The following RAB3C variants were observed in gnomAD, a reference collection of about 807,000 sequenced individuals.
RAB3C encodes ras-related protein Rab-3C.
A neutral mutation model predicts 26.4 loss-of-function variants in RAB3C; 17 were observed. The observed-to-expected ratio is 0.64, with a 90% CI of 0.44 to 0.97. RAB3C has a LOEUF of 0.97. RAB3C is among the 50% of genes least tolerant of loss of function. RAB3C has a pLI of 0.00. For missense variants in RAB3C, 242 were observed against 281.9 expected, an observed-to-expected ratio of 0.86 and a Z score of 1.01; for synonymous variants, 91 against 95.9, an observed-to-expected ratio of 0.95 and a Z score of 0.30.
chr5:58,707,527 T>C (rs1748968060), intron 2 of RAB3C, among the ~76,000 whole-genome samples: 2 of 152,088 alleles, frequency 1.3e-5, no homozygotes, highest in Non-Finnish European at 2.9e-5. Context: ...AAAACTGGGG[T>C]ACAGAAAGGT....
Position 58,857,880 on chromosome 5 carries a change from C to G in RAB3C, c.*6529C>G, listed in dbSNP as rs891884446. On this transcript the variant is annotated 3_prime_UTR_variant, in exon 5 of 5. Coordinates refer to ENST00000282878, the MANE Select transcript of RAB3C (RefSeq NM_138453.4). ...GAACTGAAGCCTAGTTGCTAGATAA[C>G]GAAAAGCTATAAATGTTTATGTATG... 1.3e-5 allele frequency: 2 copies of G among 152,116 alleles called. No homozygotes were observed. The highest frequency in any genetic ancestry group is 2.9e-5 in the Non-Finnish European group (2 of 68,014). 9.4% of individuals were successfully genotyped at this position (152,116 alleles called of 1,614,324 possible).
chr5:58,582,666 A>AG (rs1745923412), upstream of RAB3C, among the ~76,000 whole-genome samples: 1 of 152,178 alleles, frequency 6.6e-6, no homozygotes, highest in Admixed American at 6.5e-5. Context: ...GGGGAGGGGT[A>AG]GGGCGGAGAG....
At chr5:58,707,960 AC>A (rs1210146498) in intron 2 of RAB3C, among the ~76,000 whole-genome samples, 2 of 150,542 alleles carry the variant, frequency 1.3e-5, no homozygotes, top group African/African-American at 2.4e-5. Flanking sequence ...ATCTTTGGGT[AC>A]TAAGAATCAT....
At chr5:58,678,671 C>G (rs1310393262) in intron 2 of RAB3C, among the ~76,000 whole-genome samples, 1 of 152,186 alleles carries the variant, frequency 6.6e-6, no homozygotes, top group Admixed American at 6.5e-5. Flanking sequence ...CTGCCTAAGA[C>G]ATTTATTTTA....
intron 3 of RAB3C, among the ~76,000 whole-genome samples, chr5:58,800,058 G>A (rs1044487781): frequency 3.3e-5 from 5 of 152,266 alleles, no homozygotes; most frequent in Admixed American, 6.5e-5. Flanking sequence ...TAGGTAATAC[G>A]TGCTCCACGT....
intron 3 of RAB3C, among the ~76,000 whole-genome samples, chr5:58,743,859 C>G (rs6895906): frequency 6.6e-6 from 1 of 151,992 alleles, no homozygotes; most frequent in Non-Finnish European, 1.5e-5. Context: ...ACTTTCATGT[C>G]GAGTGTTAAT....
intron 1 of RAB3C, among the ~76,000 whole-genome samples, chr5:58,593,180 C>T (rs1380962025): frequency 6.6e-6 from 1 of 152,040 alleles, no homozygotes; most frequent in African/African-American, 2.4e-5. Context: ...GTGTCATCTT[C>T]AGTCTTTTGT....
At chr5:58,757,916 GT>G (rs200820052) in intron 3 of RAB3C, among the ~76,000 whole-genome samples, 25 of 130,558 alleles carry the variant, frequency 1.9e-4, no homozygotes, top group African/African-American at 6.3e-4. Flanking sequence ...CTACTTATTT[GT>G]TTTTGTTGTT....
At chr5:58,786,872 C>T (rs1193412142) in intron 3 of RAB3C, among the ~76,000 whole-genome samples, 1 of 152,058 alleles carries the variant, frequency 6.6e-6, no homozygotes, top group Non-Finnish European at 1.5e-5. Context: ...AAAGTTCCTA[C>T]TGCGGTACAT....
intron 3 of RAB3C, among the ~76,000 whole-genome samples, chr5:58,751,458 G>T (rs900849900): frequency 6.6e-6 from 1 of 152,132 alleles, no homozygotes; most frequent in African/African-American, 2.4e-5. Context: ...GAGGCTGAGA[G>T]GAAGTCAGAA....
chr5:58,656,224 A>G (rs1561280333), intron 2 of RAB3C, among the ~76,000 whole-genome samples: 1 of 152,240 alleles, frequency 6.6e-6, no homozygotes, highest in Non-Finnish European at 1.5e-5. Flanking sequence ...GTTTACACAC[A>G]AAGTAGACTT....
At chr5:58,769,552 T>C (rs1269543777) in intron 3 of RAB3C, among the ~76,000 whole-genome samples, 2 of 152,140 alleles carry the variant, frequency 1.3e-5, no homozygotes, top group Non-Finnish European at 2.9e-5. Flanking sequence ...AACAAAAGAA[T>C]AGAAGCACTG....
At chr5:58,722,231 A>G (rs1029515691) in intron 2 of RAB3C, among the ~76,000 whole-genome samples, 1 of 151,842 alleles carries the variant, frequency 6.6e-6, no homozygotes, top group African/African-American at 2.4e-5. Flanking sequence ...CCAATACAAC[A>G]TTATTCAGTG....
At chr5:58,835,878 T>G (rs894427769) in intron 4 of RAB3C, among the ~76,000 whole-genome samples, 1 of 152,234 alleles carries the variant, frequency 6.6e-6, no homozygotes, top group African/African-American at 2.4e-5. Flanking sequence ...CAAGGATGGC[T>G]TTCTCACACT....
Position 58,852,764 on chromosome 5 carries a change from T to C in RAB3C, c.*1413T>C, listed in dbSNP as rs1744140541. The C allele has an allele frequency of 6.6e-6, 1 of 152,182 alleles. No individual in the cohort carries two copies. The highest frequency in any genetic ancestry group is 1.5e-5 in the Non-Finnish European group (1 of 68,036). 9.4% of individuals were successfully genotyped at this position (152,182 alleles called of 1,614,324 possible). A position where few individuals can be genotyped will look rare whatever the true frequency, so the allele number is the denominator to read the frequency against. On this transcript the variant is annotated 3_prime_UTR_variant, in exon 5 of 5. Coordinates refer to ENST00000282878, the MANE Select transcript of RAB3C (RefSeq NM_138453.4). Reference sequence around the variant, plus strand: ...ATCACTGTCCAGCATTATTTAAAGCTAGGATTTAGGAAGGAAGCAGGAATT... The same window carrying C: ...ATCACTGTCCAGCATTATTTAAAGCCAGGATTTAGGAAGGAAGCAGGAATT...
chr5:58,798,710 A>T (rs1259346210), intron 3 of RAB3C, among the ~76,000 whole-genome samples: 1 of 152,230 alleles, frequency 6.6e-6, no homozygotes. Flanking sequence ...TCCTGAAAGT[A>T]TCTCATTATA....
intron 4 of RAB3C, among the ~76,000 whole-genome samples, chr5:58,837,937 T>G (rs1046603146): frequency 9.9e-5 from 15 of 152,226 alleles, no homozygotes; most frequent in African/African-American, 3.4e-4. Context: ...TGGCATATAG[T>G]TGTCCATAGT....
intron 3 of RAB3C, among the ~76,000 whole-genome samples, chr5:58,767,511 A>T (rs1741930898): frequency 6.6e-6 from 1 of 152,238 alleles, no homozygotes; most frequent in Admixed American, 6.5e-5. Flanking sequence ...ATTCAAAAAG[A>T]AGAGAAATAA....
At chr5:58,705,583 T>G (rs1298483674) in intron 2 of RAB3C, among the ~76,000 whole-genome samples, 1 of 152,192 alleles carries the variant, frequency 6.6e-6, no homozygotes, top group Non-Finnish European at 1.5e-5. Flanking sequence ...TTAATAAGGT[T>G]AAAGAGAAAT....
Sources: gnomAD v4.1 joint callset for allele counts (sites outside exome capture counted in the v4.1 genomes callset) on GRCh38, gnomAD v4.1.1 for gene constraint, MANE v1.5 for transcripts, NCBI Gene and HGNC (gene_info 2026-07-23, HGNC 2026-07-21) for gene names.